The following RABL3 variants were observed in gnomAD, a reference collection of about 807,000 sequenced individuals.
RABL3 encodes RAB, member of RAS oncogene family like 3.
In RABL3, 31 loss-of-function variants were observed where a neutral mutation model predicts 31.8. The ratio of observed to expected loss-of-function variants is 0.97; its 90% CI spans 0.73 to 1.31. RABL3 has a LOEUF of 1.31. RABL3 is among the 40% of genes most tolerant of loss of function. The pLI is 0.00. For missense variants in RABL3, 263 were observed against 279.6 expected (o/e 0.94, Z 0.42); for synonymous variants, 97 against 99.9 (o/e 0.97, Z 0.18).
chr3:120,685,148 T>C lies in RABL3; in HGVS notation c.*4675A>G, dbSNP rs373261994. On this transcript the variant is annotated 3_prime_UTR_variant, in exon 8 of 8. Transcript: ENST00000273375. ...AAGACTATGTCTGAGCCAAGTCCCA[T>C]AGAGTAAGAGTTGGATAGAAAGTGG... is the stretch of plus-strand genomic sequence containing the variant. Among the ~76,000 whole-genome samples the C allele has an allele frequency of 1.3e-5, 2 of 152,082 alleles. No individual in the cohort carries two copies. The highest frequency in any genetic ancestry group is 4.8e-5 in the African/African-American group (2 of 41,408).
At chr3:120,725,099 T>C (rs1227536596) in intron 2 of RABL3, among the ~76,000 whole-genome samples, 1 of 14,458 alleles carries the variant, frequency 6.9e-5, no homozygotes, top group Non-Finnish European at 1.1e-4. Flanking sequence ...CCAACAAATT[T>C]ACAAGAAAAA....
At position 120,696,508 on chromosome 3, in the gene RABL3, T is replaced by G. The variant is rs111765070; in HGVS notation, c.534+1915A>C. On this transcript the variant is annotated intron_variant, in intron 5 of 7. Transcript: ENST00000273375. ...ATATTTGAACTCTTTGGAGACTGTATGTGCTAAAGTCTCACTACCTGAGTA... is the reference window on the plus strand; with the variant it reads ...ATATTTGAACTCTTTGGAGACTGTAGGTGCTAAAGTCTCACTACCTGAGTA... Among the ~76,000 whole-genome samples, 856 of 152,134 alleles carry G rather than the reference T, an allele frequency of 5.6e-3. 11 individuals carry two copies. The highest frequency in any genetic ancestry group is 0.02 in the African/African-American group (824 of 41,486).
rs573979879 is a variant in RABL3 at position 120,724,746 on chromosome 3, T to C, written c.138+5950A>G. On this transcript the variant is annotated intron_variant, in intron 2 of 7. Coordinates refer to ENST00000273375, the MANE Select transcript of RABL3 (RefSeq NM_173825.5). ...TGGTGCTGGGAAAACTGGCTAGCCA[T>C]ATTTAGAAAGCTGAAACTGGATCCC... 5.0e-3 allele frequency among the ~76,000 whole-genome samples: 762 copies of C among 152,194 alleles called. 7 individuals are homozygous for C. The highest frequency in any genetic ancestry group is 0.016 in the African/African-American group (664 of 41,476).
chr3:120,732,240 C>T (rs1179106448), intron 1 of RABL3, among the ~76,000 whole-genome samples: 1 of 152,206 alleles, frequency 6.6e-6, no homozygotes, highest in East Asian at 1.9e-4. Context: ...CATCCTCTCC[C>T]TTCCCTCACC....
intron 2 of RABL3, among the ~76,000 whole-genome samples, chr3:120,727,144 A>T (rs1172858155): frequency 6.6e-6 from 1 of 152,196 alleles, no homozygotes; most frequent in African/African-American, 2.4e-5. Flanking sequence ...AAACCCAAAG[A>T]AAGTATGTTC....
chr3:120,739,291 C>A (rs1709012372), intron 1 of RABL3, among the ~76,000 whole-genome samples: 1 of 151,946 alleles, frequency 6.6e-6, no homozygotes, highest in African/African-American at 2.4e-5. Flanking sequence ...GCAAGAGAAT[C>A]ACTTGAACCC....
intron 1 of RABL3, among the ~76,000 whole-genome samples, chr3:120,741,010 T>C (rs188111297): frequency 3.9e-5 from 6 of 152,292 alleles, no homozygotes; most frequent in Admixed American, 1.3e-4. Flanking sequence ...GGAAAGAAAA[T>C]AAATTGACTA....
intron 1 of RABL3, among the ~76,000 whole-genome samples, chr3:120,734,430 A>G (rs1559824053): frequency 6.6e-6 from 1 of 152,236 alleles, no homozygotes. Flanking sequence ...TTATCAGCTT[A>G]CGGAGATTTT....
At chr3:120,736,375 T>A (rs1226290101) in intron 1 of RABL3, among the ~76,000 whole-genome samples, 1 of 152,248 alleles carries the variant, frequency 6.6e-6, no homozygotes, top group Non-Finnish European at 1.5e-5. Flanking sequence ...ACCCTGCCTT[T>A]TTTTGTTTTC....
At chr3:120,701,183 A>G (rs1163994040) in intron 4 of RABL3, among the ~76,000 whole-genome samples, 1 of 152,160 alleles carries the variant, frequency 6.6e-6, no homozygotes, top group Non-Finnish European at 1.5e-5. Context: ...AAACCTAATA[A>G]TGTACCCTCT....
intron 2 of RABL3, among the ~76,000 whole-genome samples, chr3:120,711,517 G>C (rs1708612483): frequency 2.0e-5 from 3 of 152,108 alleles, no homozygotes; most frequent in Admixed American, 2.0e-4. Context: ...ACAGTAGCTA[G>C]AGTGATCCTT....
At chr3:120,705,588 T>A (rs1255233466) in intron 4 of RABL3, among the ~76,000 whole-genome samples, 1 of 152,202 alleles carries the variant, frequency 6.6e-6, no homozygotes, top group Non-Finnish European at 1.5e-5. Flanking sequence ...GACATTCATA[T>A]GCAAACGTTA....
At chr3:120,695,923 T>C (rs965512496) in intron 5 of RABL3, among the ~76,000 whole-genome samples, 1 of 152,108 alleles carries the variant, frequency 6.6e-6, no homozygotes, top group African/African-American at 2.4e-5. Context: ...AGAGAAACAC[T>C]ATGATTTTTG....
At chr3:120,740,296 C>CT (rs1315182299) in intron 1 of RABL3, among the ~76,000 whole-genome samples, 1 of 152,178 alleles carries the variant, frequency 6.6e-6, no homozygotes, top group African/African-American at 2.4e-5. Flanking sequence ...GGGTCTCACT[C>CT]TATCACCCAG....
At chr3:120,737,392 C>G (rs1228419643) in intron 1 of RABL3, among the ~76,000 whole-genome samples, 1 of 152,162 alleles carries the variant, frequency 6.6e-6, no homozygotes, top group Admixed American at 6.5e-5. Context: ...TTAAGGACTT[C>G]TCTACATTGG....
chr3:120,737,599 C>T (rs894786625), intron 1 of RABL3, among the ~76,000 whole-genome samples: 4 of 152,194 alleles, frequency 2.6e-5, no homozygotes, highest in African/African-American at 4.8e-5. Flanking sequence ...GAGAGGTGCT[C>T]TGATTTTTAG....
Position 120,709,851 on chromosome 3 carries a change from T to A in RABL3, c.197A>T (p.Asp66Val), listed in dbSNP as rs1708592961. 19 of 1,611,334 alleles carry A rather than the reference T, an allele frequency of 1.2e-5. No homozygotes were observed. The highest frequency in any genetic ancestry group is 1.5e-5 in the Non-Finnish European group (18 of 1,177,720). ...GGCACTGCCCACAGAGCCTCCAACATCCCATAATTCTATGTAGTAGGTCTT... is the reference window on the plus strand; with the variant it reads ...GGCACTGCCCACAGAGCCTCCAACAACCCATAATTCTATGTAGTAGGTCTT... ...EEKTYYIELW[D>V]VGGSVGSASS... Residue 66 changes from aspartate to valine, a missense_variant, in exon 3 of 8, where the codon GAT becomes GTT. Physicochemically the swap from Asp to Val is radical, Grantham distance 152. Transcript: ENST00000273375.
At chr3:120,729,364 A>G (rs150202612) in intron 2 of RABL3, among the ~76,000 whole-genome samples, 201 of 152,340 alleles carry the variant, frequency 1.3e-3, no homozygotes, top group Non-Finnish European at 1.8e-3. Flanking sequence ...TACAGCATAC[A>G]GGACTTCCAA....
At chr3:120,719,904 C>T (rs894412059) in intron 2 of RABL3, among the ~76,000 whole-genome samples, 1 of 152,232 alleles carries the variant, frequency 6.6e-6, no homozygotes, top group African/African-American at 2.4e-5. Context: ...GGGTCCCTGA[C>T]CCCCGAGTAG....
Sources: allele counts gnomAD v4.1 joint callset (sites outside exome capture counted in the v4.1 genomes callset), GRCh38; gene constraint gnomAD v4.1.1; transcripts MANE v1.5; gene names NCBI Gene and HGNC (gene_info 2026-07-23, HGNC 2026-07-21).